Variants in DPF3 observed in about 807,000 individuals in gnomAD.
DPF3 encodes the protein double PHD fingers 3.
Under a neutral mutation model 56.8 loss-of-function variants are expected in DPF3, and 18 were observed. The ratio of observed to expected loss-of-function variants is 0.32; its 90% CI spans 0.22 to 0.47. The LOEUF (loss-of-function observed/expected upper bound fraction) is 0.47. DPF3 is among the 20% of genes least tolerant of loss of function. The pLI is 1.00. For missense variants in DPF3, 403 were observed against 488.8 expected (o/e 0.82, Z 1.65); for synonymous variants, 188 against 180.2 (o/e 1.04, Z -0.35).
chr14:72,886,739 A>T (rs1028795191), intron 1 of DPF3, among the ~76,000 whole-genome samples: 1 of 152,040 alleles, frequency 6.6e-6, no homozygotes, highest in South Asian at 2.1e-4. Flanking sequence ...TGCTTGCAAA[A>T]AAACTGCCAT....
rs1884159345 is a variant in DPF3, at chr14:72,617,593, G to A, written c.*1704C>T. Among the ~76,000 whole-genome samples, 1 of 152,216 alleles carries A rather than the reference G, an allele frequency of 6.6e-6. No individual in the cohort carries two copies. The highest frequency in any genetic ancestry group is 1.5e-5 in the Non-Finnish European group (1 of 68,036). On this transcript the variant is annotated 3_prime_UTR_variant, in exon 11 of 11. Transcript: ENST00000556509. ...TGAGGCCACAGGCCCCTGCAGGAGA[G>A]TGACCCCCATCGCTTGCCACAGGTC...
At chr14:72,800,613 CATGCACAGATGGATGCATGG>C (rs1415008696) in intron 1 of DPF3, among the ~76,000 whole-genome samples, 10 of 148,344 alleles carry the variant, frequency 6.7e-5, no homozygotes, top group East Asian at 4.0e-4. Context: ...TGAATGCATG[CATGCACAGATGGATGCATGG>C]ATGCACAGAT....
At position 72,772,985 on chromosome 14, in the gene DPF3, C is replaced by G. The variant is rs996300129; in HGVS notation, c.33-1092G>C. On this transcript the variant is annotated intron_variant, in intron 1 of 10. Coordinates refer to ENST00000556509, the MANE Select transcript of DPF3 (RefSeq NM_001280542.3). Reference sequence around the variant, plus strand: ...CAAAAGGGAGAATCAAGTGTTTATTCTGAAGCAACATTATGATATCTTTTT... The same window carrying G: ...CAAAAGGGAGAATCAAGTGTTTATTGTGAAGCAACATTATGATATCTTTTT... Among the ~76,000 whole-genome samples the G allele has an allele frequency of 6.6e-5, 10 of 152,142 alleles. No individual in the cohort carries two copies. The East Asian group carries it at 1.2e-3, about 18-fold the overall frequency.
intron 5 of DPF3, among the ~76,000 whole-genome samples, chr14:72,717,929 T>C (rs1252491084): frequency 2.6e-5 from 4 of 152,212 alleles, no homozygotes; most frequent in Admixed American, 6.5e-5. Context: ...GTGTACCACA[T>C]GGCCCTGTCC....
At chr14:72,686,725 A>C (rs1280043571) in intron 7 of DPF3, among the ~76,000 whole-genome samples, 1 of 152,224 alleles carries the variant, frequency 6.6e-6, no homozygotes, top group Non-Finnish European at 1.5e-5. Flanking sequence ...TTTGAGAAGG[A>C]AGAAGCAGCC....
At chr14:72,783,722 CT>C (rs1892086649) in intron 1 of DPF3, among the ~76,000 whole-genome samples, 1 of 152,206 alleles carries the variant, frequency 6.6e-6, no homozygotes, top group African/African-American at 2.4e-5. Flanking sequence ...CATTCCAGGC[CT>C]GATATTGGCA....
chr14:72,725,851 T>C (rs17120092), intron 4 of DPF3, among the ~76,000 whole-genome samples: 9,226 of 152,266 alleles, frequency 0.061, 411 homozygotes, highest in South Asian at 0.22. Flanking sequence ...AGGACACTTC[T>C]AGTCACCCAA....
rs1883933688 is a variant in DPF3 at position 72,614,202 on chromosome 14, AC to A, written c.*5094del. The stretch of plus-strand genomic sequence containing the variant: ...CTCAGAAATGGGGGAGGGAGCCCCA[AC>A]CCCCAGACAGCTATGGAGCCCACCT... On this transcript the variant is annotated 3_prime_UTR_variant, in exon 11 of 11. Transcript: ENST00000556509. 6.6e-6 allele frequency among the ~76,000 whole-genome samples: 1 copy of A among 151,926 alleles called. No homozygotes were observed. The highest frequency in any genetic ancestry group is 1.5e-5 in the Non-Finnish European group (1 of 67,986).
intron 9 of DPF3, among the ~76,000 whole-genome samples, chr14:72,624,481 G>A (rs1884693955): frequency 6.6e-6 from 1 of 151,862 alleles, no homozygotes; most frequent in South Asian, 2.1e-4. Flanking sequence ...TGGGATTACA[G>A]GCATGTGCCA....
intron 1 of DPF3, among the ~76,000 whole-genome samples, chr14:72,777,855 T>A (rs1222169610): frequency 1.3e-5 from 2 of 152,168 alleles, no homozygotes; most frequent in African/African-American, 4.8e-5. Flanking sequence ...GCACTGTGCT[T>A]CCTGTACAGC....
At chr14:72,885,239 G>A (rs1886497739) in intron 1 of DPF3, among the ~76,000 whole-genome samples, 1 of 151,578 alleles carries the variant, frequency 6.6e-6, no homozygotes. Flanking sequence ...AGAACGCAAT[G>A]GACTACCAAT....
intron 1 of DPF3, among the ~76,000 whole-genome samples, chr14:72,872,440 T>C (rs1326176329): frequency 1.3e-5 from 2 of 152,228 alleles, no homozygotes; most frequent in East Asian, 3.8e-4. Flanking sequence ...TTTCCAAACT[T>C]TTATGCTCTG....
At chr14:72,628,746 C>A (rs1040907795) in intron 9 of DPF3, among the ~76,000 whole-genome samples, 3 of 151,954 alleles carry the variant, frequency 2.0e-5, no homozygotes, top group Admixed American at 2.0e-4. Context: ...CTAGCCCTAA[C>A]AATTGACAAG....
chr14:72,637,660 T>C (rs908758291), intron 8 of DPF3, among the ~76,000 whole-genome samples: 3 of 152,164 alleles, frequency 2.0e-5, no homozygotes, highest in African/African-American at 7.2e-5. Flanking sequence ...AGTTAAAGCA[T>C]TGGAATCTGC....
At chr14:72,863,992 A>T (rs1314557372) in intron 1 of DPF3, among the ~76,000 whole-genome samples, 5 of 152,178 alleles carry the variant, frequency 3.3e-5, no homozygotes, top group Non-Finnish European at 7.4e-5. Flanking sequence ...CCATGGTGGG[A>T]TGTGATTCAA....
chr14:72,881,135 CA>C (rs146774149), intron 1 of DPF3, among the ~76,000 whole-genome samples: 12 of 152,346 alleles, frequency 7.9e-5, no homozygotes, highest in African/African-American at 2.9e-4. Flanking sequence ...CCAAAAACCC[CA>C]CTGAACTATG....
At chr14:72,687,366 A>G (rs1190398098) in intron 7 of DPF3, among the ~76,000 whole-genome samples, 3 of 152,218 alleles carry the variant, frequency 2.0e-5, no homozygotes, top group Non-Finnish European at 4.4e-5. Context: ...AGAGTATGTT[A>G]TATTTACTTA....
intron 6 of DPF3, among the ~76,000 whole-genome samples, chr14:72,695,168 C>A (rs572485448): frequency 4.0e-4 from 61 of 152,302 alleles, no homozygotes; most frequent in Admixed American, 3.9e-4. Flanking sequence ...GGACAAGCTG[C>A]AGCTCTGTGC....
chr14:72,839,515 A>T (rs1389552790), intron 1 of DPF3, among the ~76,000 whole-genome samples: 2 of 152,148 alleles, frequency 1.3e-5, no homozygotes, highest in African/African-American at 4.8e-5. Context: ...AGACCTAAGC[A>T]CTGACTCCCC....
Sources: gnomAD v4.1 joint callset for allele counts (sites outside exome capture counted in the v4.1 genomes callset) on GRCh38, gnomAD v4.1.1 for gene constraint, MANE v1.5 for transcripts, NCBI Gene and HGNC (gene_info 2026-07-23, HGNC 2026-07-21) for gene names.